The following ASXL2 variants were observed in gnomAD, a reference collection of about 807,000 sequenced individuals.
ASXL2 encodes the protein putative Polycomb group protein ASXL2.
ASXL2 carries 23 observed loss-of-function variants against 122.0 expected under a neutral mutation model. That is an observed-to-expected ratio of 0.19 (90% CI 0.14 to 0.27). The LOEUF is 0.27. ASXL2 is among the 10% of genes least tolerant of loss of function. ASXL2 has a pLI of 1.00. For synonymous variants in ASXL2, 650 were observed against 637.0 expected (o/e 1.02, Z -0.31); for missense variants, 1,518 against 1,713.8 (o/e 0.89, Z 2.02).
Position 25,856,481 on chromosome 2 carries a change from G to A in ASXL2, c.58-10918C>T, listed in dbSNP as rs112233380. On this transcript the variant is annotated intron_variant, in intron 1 of 12. Transcript: ENST00000435504. Reference sequence around the variant, plus strand: ...GCTTCTCACTTGGCCTTCGGGTTACGGAACTTGTATCCAGCAAAGACAGCC... The same window carrying A: ...GCTTCTCACTTGGCCTTCGGGTTACAGAACTTGTATCCAGCAAAGACAGCC... 1,211 of 1,058,410 alleles carry A rather than the reference G, an allele frequency of 1.1e-3. 8 individuals carry two copies. The African/African-American group carries it at 0.017, about 15-fold the overall frequency. 65.6% of individuals were successfully genotyped at this position (1,058,410 alleles called of 1,614,324 possible).
At position 25,744,306 on chromosome 2, in the gene ASXL2, G is replaced by C. The variant is rs370773086; in HGVS notation, c.2031C>G (p.Ala677=). Reference sequence around the variant, plus strand: ...CTGAGGCGGCTGCAGCAGCTGCGGCGGCAGCGGCAGCTGCTGCCCTCTGTG... The same window carrying C: ...CTGAGGCGGCTGCAGCAGCTGCGGCCGCAGCGGCAGCTGCTGCCCTCTGTG... ...VKAQRAAAAA[A]AAAAAAASVG... The change falls in exon 13 of 13, where the codon GCC becomes GCG. Residue 677 remains alanine, a synonymous_variant. Transcript: ENST00000435504. The surrounding 1 kb of genome is among the most constrained non-coding windows in gnomAD (Gnocchi z 4.7). 1.2e-6 allele frequency: 2 copies of C among 1,611,116 alleles called. No homozygotes were observed. The highest frequency in any genetic ancestry group is 1.7e-6 in the Non-Finnish European group (2 of 1,179,074).
chr2:25,807,099 T>C (rs146640621), intron 3 of ASXL2, among the ~76,000 whole-genome samples: 241 of 152,238 alleles, frequency 1.6e-3, no homozygotes, highest in African/African-American at 5.5e-3. Flanking sequence ...AGCAAACACA[T>C]AGTTCATATG....
intron 5 of ASXL2, among the ~76,000 whole-genome samples, chr2:25,781,454 T>C (rs1477511049): frequency 2.0e-5 from 3 of 152,190 alleles, no homozygotes; most frequent in Non-Finnish European, 4.4e-5. Context: ...GTTGTTGATG[T>C]TGTTACCGCA....
chr2:25,826,747 A>T (rs2089382268), intron 3 of ASXL2, among the ~76,000 whole-genome samples: 1 of 145,850 alleles, frequency 6.9e-6, no homozygotes, highest in Non-Finnish European at 1.5e-5. Flanking sequence ...AGGATTAAAT[A>T]ATAGACTTTC....
In ASXL2 at chr2:25,771,482, G is replaced by T. The variant is rs573025949; in HGVS notation, c.462C>A (p.Val154=). 1.7e-5 allele frequency: 27 copies of T among 1,613,810 alleles called. No homozygotes were observed. Among genetic ancestry groups the T allele is most frequent in the South Asian group, 3.3e-5 (3 of 91,052 alleles). Residue 154 remains valine, a synonymous_variant, in exon 6 of 13, where the codon GTC becomes GTA. Transcript: ENST00000435504. ...CPSPTIPAGK[V]ISPSQKHSKK... is the part of the protein sequence containing the mutation. ...TGCTGTGCTTCTGTGATGGAGAAAT[G>T]ACTTTACCTGCTGGAATGGTGGGTG...
intron 5 of ASXL2, among the ~76,000 whole-genome samples, chr2:25,790,693 T>TA (rs2088816824): frequency 6.6e-6 from 1 of 151,264 alleles, no homozygotes; most frequent in Non-Finnish European, 1.5e-5. Flanking sequence ...AGAGCTAACT[T>TA]AAACACTAGT....
intron 1 of ASXL2, among the ~76,000 whole-genome samples, chr2:25,855,263 C>T (rs1025949512): frequency 1.3e-4 from 20 of 152,130 alleles, no homozygotes; most frequent in Admixed American, 1.2e-3. Context: ...TGGTAACAGG[C>T]CAGGCGCAGT....
chr2:25,767,898 T>C (rs1450442859), intron 7 of ASXL2, among the ~76,000 whole-genome samples, 172 bp from the exon 8 acceptor site: 2 of 152,216 alleles, frequency 1.3e-5, no homozygotes, highest in Admixed American at 6.5e-5. Context: ...ACCCTGTTTT[T>C]CCTCCCAGCA....
chr2:25,794,239 G>A (rs1345742218), intron 5 of ASXL2, among the ~76,000 whole-genome samples: 1 of 152,136 alleles, frequency 6.6e-6, no homozygotes, highest in Non-Finnish European at 1.5e-5. Flanking sequence ...TCCTTACAGA[G>A]AAAAGGTATA....
At chr2:25,829,556 C>T (rs1325355262) in intron 3 of ASXL2, among the ~76,000 whole-genome samples, 3 of 152,150 alleles carry the variant, frequency 2.0e-5, no homozygotes, top group African/African-American at 7.2e-5. Flanking sequence ...CTACTTATTA[C>T]AATTATTTTC....
At chr2:25,870,739 T>C (rs1012235651) in intron 1 of ASXL2, among the ~76,000 whole-genome samples, 3 of 152,068 alleles carry the variant, frequency 2.0e-5, no homozygotes, top group African/African-American at 7.2e-5. Flanking sequence ...CGACAAGCTA[T>C]CCATGATATT....
chr2:25,794,443 A>G (rs181754503), intron 5 of ASXL2, among the ~76,000 whole-genome samples: 72 of 152,244 alleles, frequency 4.7e-4, no homozygotes, highest in African/African-American at 1.7e-3. Context: ...TTTCGTATTC[A>G]TTTTTCTGAA....
intron 6 of ASXL2, 86 bp from the exon 7 acceptor site, chr2:25,768,954 A>AATGATTCTTAGAGTTTGGATAGTTTTT: frequency 1.3e-5 from 18 of 1,423,922 alleles, no homozygotes; most frequent in Non-Finnish European, 1.5e-5. Context: ...AATGGCAAGA[A>AATGATTCTTAGAGTTTGGATAGTTTTT]GCATGCTGAT....
At chr2:25,830,291 C>T (rs911514901) in intron 3 of ASXL2, among the ~76,000 whole-genome samples, 6 of 152,124 alleles carry the variant, frequency 3.9e-5, no homozygotes, top group Admixed American at 6.5e-5. Context: ...TCAAAGAAGA[C>T]AATTAGAGGA....
chr2:25,744,336 G>C lies in ASXL2; in HGVS notation c.2001C>G (p.Val667=). The C allele has an allele frequency of 6.2e-7, 1 of 1,613,916 alleles. No individual in the cohort carries two copies. The highest frequency in any genetic ancestry group is 8.5e-7 in the Non-Finnish European group (1 of 1,179,880). The change falls in exon 13 of 13, where the codon GTC becomes GTG. Residue 667 remains valine (V), a synonymous_variant. Transcript: ENST00000435504. The surrounding 1 kb of genome is among the most constrained non-coding windows in gnomAD (Gnocchi z 4.7). ...LADIKAKAQL[V]KAQRAAAAAA... ...CGGCAGCTGCTGCCCTCTGTGCTTT[G>C]ACCAGTTGGGCTTTTGCTTTGATGT...
Position 25,756,008 on chromosome 2 carries a change from G to A in ASXL2, c.1036+10C>T. The A allele has an allele frequency of 6.2e-7, 1 of 1,607,782 alleles. No individual in the cohort carries two copies. The highest frequency in any genetic ancestry group is 8.5e-7 in the Non-Finnish European group (1 of 1,174,332). The stretch of plus-strand genomic sequence containing the variant: ...CACCACCTGGGAGACACATTAAGTA[G>A]AGCACTTACCTTCTGAGAGTCTTTC... On this transcript the variant is annotated intron_variant, in intron 10 of 12. Coordinates refer to ENST00000435504, the MANE Select transcript of ASXL2 (RefSeq NM_018263.6).
chr2:25,828,611 G>A (rs1052946284), intron 3 of ASXL2, among the ~76,000 whole-genome samples: 1 of 151,348 alleles, frequency 6.6e-6, no homozygotes, highest in Non-Finnish European at 1.5e-5. Context: ...AGATCACGAG[G>A]TCAGGAGTTT....
chr2:25,816,782 T>C (rs1330084462), intron 3 of ASXL2, among the ~76,000 whole-genome samples: 1 of 152,184 alleles, frequency 6.6e-6, no homozygotes, highest in Non-Finnish European at 1.5e-5. Context: ...AGAGTATGAA[T>C]GAAAAATTTT....
intron 2 of ASXL2, chr2:25,845,280 G>T: frequency 1.2e-6 from 1 of 820,612 alleles, no homozygotes; most frequent in Non-Finnish European, 1.9e-6. Context: ...TCTAAGAATT[G>T]GTTTTAAAAC....
Sources: gnomAD v4.1 joint callset for allele counts (sites outside exome capture counted in the v4.1 genomes callset) on GRCh38, gnomAD v4.1.1 for gene constraint, Gnocchi (gnomAD v3.1) non-coding constraint, MANE v1.5 for transcripts, NCBI Gene and HGNC (gene_info 2026-07-23, HGNC 2026-07-21) for gene names.